Variants in OGDHL observed in about 807,000 individuals in gnomAD.
OGDHL encodes 2-oxoglutarate dehydrogenase-like, mitochondrial.
OGDHL carries 79 observed loss-of-function variants against 109.6 expected under a neutral mutation model. The ratio of observed to expected loss-of-function variants is 0.72; its 90% CI spans 0.60 to 0.87. The LOEUF is 0.87. Among genes scored for constraint, OGDHL ranks in the 40% least tolerant of loss-of-function variants. OGDHL has a pLI of 0.00. For synonymous variants in OGDHL, 528 were observed against 537.2 expected (o/e 0.98, Z 0.24); for missense variants, 1,275 against 1,362.2 (o/e 0.94, Z 1.01).
intron 15 of OGDHL, among the ~76,000 whole-genome samples, chr10:49,742,347 T>C (rs2132989098): frequency 3.0e-4 from 2 of 6,642 alleles, no homozygotes; most frequent in Non-Finnish European, 6.3e-4. Context: ...ACACCACACA[T>C]GCACCACACA....
intron 7 of OGDHL, 111 bp from the exon 8 acceptor site, chr10:49,749,927 C>A: frequency 1.2e-6 from 1 of 834,442 alleles, no homozygotes; most frequent in Non-Finnish European, 1.9e-6. Context: ...GTGCCCAGAG[C>A]CCTCCTCAGG....
At chr10:49,741,033 C>T (rs1841616755) in intron 15 of OGDHL, among the ~76,000 whole-genome samples, 196 bp from the exon 16 acceptor site, 1 of 152,110 alleles carries the variant, frequency 6.6e-6, no homozygotes, top group Non-Finnish European at 1.5e-5. Flanking sequence ...GCCTGTCCCC[C>T]ACCAGGCCTC....
chr10:49,748,785 C>CAT (rs1052113062), intron 8 of OGDHL, among the ~76,000 whole-genome samples: 1 of 151,114 alleles, frequency 6.6e-6, no homozygotes. Context: ...CACACACACA[C>CAT]GGCAGCAGGC....
At chr10:49,751,286 G>A (rs1055879775) in intron 6 of OGDHL, among the ~76,000 whole-genome samples, 2 of 151,904 alleles carry the variant, frequency 1.3e-5, no homozygotes, top group Non-Finnish European at 2.9e-5. Flanking sequence ...ACAGGCCACT[G>A]CCCACCCACT....
At chr10:49,746,935 C>T (rs935812852) in intron 9 of OGDHL, 57 bp from the exon 10 acceptor site, 11 of 1,612,156 alleles carry the variant, frequency 6.8e-6, no homozygotes, top group South Asian at 5.5e-5. Context: ...GTAGCCCAGC[C>T]GGCACCTGTA....
intron 1 of OGDHL, among the ~76,000 whole-genome samples, chr10:49,761,337 C>T (rs1248631805): frequency 6.6e-6 from 1 of 152,208 alleles, no homozygotes; most frequent in African/African-American, 2.4e-5. Context: ...AAGACTCCCA[C>T]ACACACAACC....
At chr10:49,755,273 G>A (rs1411183742) in intron 3 of OGDHL, among the ~76,000 whole-genome samples, 2 of 152,108 alleles carry the variant, frequency 1.3e-5, no homozygotes, top group African/African-American at 2.4e-5. Context: ...CAGGACAAAA[G>A]GCAAACACAA....
Position 49,736,374 on chromosome 10 carries a change from T to G in OGDHL, c.2737A>C (p.Ile913Leu). The G allele has an allele frequency of 6.2e-7, 1 of 1,614,136 alleles. No homozygotes were observed. The highest frequency in any genetic ancestry group is 8.5e-7 in the Non-Finnish European group (1 of 1,180,020). Residue 913 changes from isoleucine to leucine, a missense_variant, in exon 21 of 23, where the codon ATC becomes CTC. Transcript: ENST00000374103. The part of the protein sequence containing the change: ...SSQDLEEKVA[I>L]TRLEQISPFP... Reference sequence around the variant, plus strand: ...AGGCACACCTGCTCCAGGCGCGTGATGGCCACTTTCTCCTCCAGGTCCTGG... The same window carrying G: ...AGGCACACCTGCTCCAGGCGCGTGAGGGCCACTTTCTCCTCCAGGTCCTGG...
intron 7 of OGDHL, among the ~76,000 whole-genome samples, 171 bp downstream of exon 7, chr10:49,750,668 G>A (rs530767372): frequency 3.3e-5 from 5 of 152,290 alleles, no homozygotes; most frequent in South Asian, 2.1e-4. Flanking sequence ...CCAAGTACCC[G>A]GCAATTTCTG....
Position 49,737,980 on chromosome 10 carries a change from C to T in OGDHL, c.2484G>A (p.Leu828=). 6.2e-7 allele frequency: 1 copy of T among 1,614,188 alleles called. No individual in the cohort carries two copies. Among genetic ancestry groups the T allele is most frequent in the Admixed American group, 1.7e-5 (1 of 60,028 alleles). Reference sequence around the variant, plus strand: ...GGAAGGGCAGCAGGATCTGCCGGCGCAGCACGTGGAAGTAGTTGGCCGGTG... The same window carrying T: ...GGAAGGGCAGCAGGATCTGCCGGCGTAGCACGTGGAAGTAGTTGGCCGGTG... ...CSTPANYFHV[L]RRQILLPFRK... The change falls in exon 19 of 23, where the codon CTG becomes CTA. Residue 828 remains leucine (L), a synonymous_variant. Coordinates refer to ENST00000374103, the MANE Select transcript of OGDHL (RefSeq NM_018245.3).
At chr10:49,751,705 G>A (rs1842601054) in intron 6 of OGDHL, 122 bp downstream of exon 6, 1 of 1,296,072 alleles carries the variant, frequency 7.7e-7, no homozygotes, top group Non-Finnish European at 1.1e-6. Flanking sequence ...GCAGCCAGTG[G>A]TGAGGCCGAT....
At chr10:49,745,717 G>C in intron 11 of OGDHL, 81 bp downstream of exon 11, 1 of 1,511,108 alleles carries the variant, frequency 6.6e-7, no homozygotes, top group Non-Finnish European at 9.1e-7. Context: ...CCTGAGTGCT[G>C]AAGATGCTGA....
chr10:49,752,353 G>A (rs1842663247), intron 4 of OGDHL, 105 bp from the exon 5 acceptor site: 1 of 873,436 alleles, frequency 1.1e-6, no homozygotes, highest in Non-Finnish European at 1.9e-6. Flanking sequence ...TCTCCCCAGT[G>A]CCCTCCCTCT....
At chr10:49,755,068 A>AC (rs1243761732) in intron 3 of OGDHL, among the ~76,000 whole-genome samples, 1 of 152,128 alleles carries the variant, frequency 6.6e-6, no homozygotes, top group Non-Finnish European at 1.5e-5. Flanking sequence ...ACATGGTGAA[A>AC]CCCCGTCTCC....
chr10:49,758,505 G>A lies in OGDHL; in HGVS notation c.88C>T (p.Arg30Cys), dbSNP rs575253550. 1.2e-5 allele frequency: 20 copies of A among 1,613,848 alleles called. No individual in the cohort carries two copies. In the East Asian group the frequency reaches 1.6e-4, roughly 13 times the overall value. ...AAHDVPVFGW[R>C]SRSSGPPATF... ...GCCGGTGGCCCGGAGGACCTGCTGCGCCAGCCAAACACCGGGACGTCATGT... is the reference window on the plus strand; with the variant it reads ...GCCGGTGGCCCGGAGGACCTGCTGCACCAGCCAAACACCGGGACGTCATGT... The change falls in exon 2 of 23, where the codon CGC (arginine) becomes TGC (cysteine). Residue 30 changes from arginine to cysteine, a missense_variant. Coordinates refer to ENST00000374103, the MANE Select transcript of OGDHL (RefSeq NM_018245.3).
chr10:49,756,867 T>C lies in OGDHL; in HGVS notation c.284A>G (p.His95Arg), dbSNP rs151262304. Residue 95 changes from histidine (H) to arginine (R), a missense_variant, in exon 3 of 23, where the codon CAT becomes CGT. Physicochemically the swap from His to Arg is conservative, Grantham distance 29 (BLOSUM62 0). Transcript: ENST00000374103. The part of the protein sequence containing the change: ...SAQPRPPSVV[H>R]ESRSAVSSRT... ...ACTTGAGACTGCAGACCTGCTCTCATGGACAACAGAAGGGGGCCGTGGCTG... is the reference window on the plus strand; with the variant it reads ...ACTTGAGACTGCAGACCTGCTCTCACGGACAACAGAAGGGGGCCGTGGCTG... 39 of 1,614,088 alleles carry C rather than the reference T, an allele frequency of 2.4e-5. No homozygotes were observed. In the African/African-American group the frequency reaches 4.1e-4, roughly 17 times the overall value.
chr10:49,746,059 G>A, intron 10 of OGDHL, 82 bp from the exon 11 acceptor site: 4 of 1,471,498 alleles, frequency 2.7e-6, no homozygotes, highest in Non-Finnish European at 3.7e-6. Context: ...GACTGAGCAG[G>A]GGGATGCTCA....
chr10:49,755,140 A>G (rs1842843169), intron 3 of OGDHL, among the ~76,000 whole-genome samples: 1 of 152,212 alleles, frequency 6.6e-6, no homozygotes, highest in Admixed American at 6.5e-5. Context: ...GCTACTCAGG[A>G]GGCTGAGCCA....
Position 49,750,929 on chromosome 10 carries a change from C to A in OGDHL, c.806G>T (p.Gly269Val). 1 of 1,611,922 alleles carries A rather than the reference C, an allele frequency of 6.2e-7. No homozygotes were observed. The highest frequency in any genetic ancestry group is 8.5e-7 in the Non-Finnish European group (1 of 1,178,806). ...WSSEKRFGLE[G>V]CEVMIPALKT... is the part of the protein sequence containing the mutation. ...GAGGGCAGGAATCATCACTTCACAGCCCTCCAGGCCAAACCGCTTCTCTGA... is the reference window on the plus strand; with the variant it reads ...GAGGGCAGGAATCATCACTTCACAGACCTCCAGGCCAAACCGCTTCTCTGA... Residue 269 changes from glycine (G) to valine (V), a missense_variant, in exon 7 of 23, where the codon GGC becomes GTC. Physicochemically the swap from Gly to Val is moderately radical, Grantham distance 109. Transcript: ENST00000374103.
Sources: allele counts gnomAD v4.1 joint callset (sites outside exome capture counted in the v4.1 genomes callset), GRCh38; gene constraint gnomAD v4.1.1; transcripts MANE v1.5; gene names NCBI Gene and HGNC (gene_info 2026-07-23, HGNC 2026-07-21).